The following PABPC4 variants were observed in gnomAD, a reference collection of about 807,000 sequenced individuals.
PABPC4 encodes the protein polyadenylate-binding protein 4.
A neutral mutation model predicts 74.5 loss-of-function variants in PABPC4; 15 were observed. The observed-to-expected ratio is 0.20, with a 90% CI of 0.13 to 0.31. The LOEUF is 0.31. Ranked by LOEUF, PABPC4 falls within the 10% of genes least tolerant of loss-of-function variation. The pLI is 1.00. For missense variants in PABPC4, 610 were observed against 853.5 expected (o/e 0.71, Z 3.55); for synonymous variants, 345 against 303.0 (o/e 1.14, Z -1.44).
intron 7 of PABPC4, among the ~76,000 whole-genome samples, chr1:39,567,219 T>A (rs1645860562): frequency 6.6e-6 from 1 of 152,156 alleles, no homozygotes; most frequent in Non-Finnish European, 1.5e-5. Flanking sequence ...CCCTGCTAAC[T>A]TAGTTGATAT....
chr1:39,561,936 T>A, intron 14 of PABPC4, 137 bp downstream of exon 14: 2 of 1,168,882 alleles, frequency 1.7e-6, no homozygotes, highest in Non-Finnish European at 2.5e-6. Flanking sequence ...CACTGCAGCC[T>A]CCAGTCACAG....
At chr1:39,564,332 C>T (rs1464639348) in intron 10 of PABPC4, 91 bp downstream of exon 10, 15 of 1,457,178 alleles carry the variant, frequency 1.0e-5, no homozygotes, top group Admixed American at 4.2e-5. Context: ...TCGATAAATT[C>T]GAGCCCAACA....
At chr1:39,571,045 G>A (rs1239428702) in intron 3 of PABPC4, 189 bp downstream of exon 3, 2 of 1,465,968 alleles carry the variant, frequency 1.4e-6, no homozygotes, top group East Asian at 2.4e-5. Flanking sequence ...TGGGCAGGAA[G>A]CCCACCTTGG....
At chr1:39,568,770 C>T in intron 6 of PABPC4, 32 bp downstream of exon 6, 1 of 1,600,324 alleles carries the variant, frequency 6.2e-7, no homozygotes, top group Non-Finnish European at 8.5e-7. Context: ...CACAGCAAAT[C>T]CCATTGCTAG....
chr1:39,570,264 A>AT (rs1399105908), intron 3 of PABPC4, among the ~76,000 whole-genome samples: 1 of 152,202 alleles, frequency 6.6e-6, no homozygotes, highest in Non-Finnish European at 1.5e-5. Context: ...AAGAAACCTG[A>AT]TGGCCATGTT....
chr1:39,564,065 T>A, intron 10 of PABPC4, 143 bp from the exon 11 acceptor site: 1 of 694,442 alleles, frequency 1.4e-6, no homozygotes, highest in South Asian at 1.8e-5. Flanking sequence ...AGCCAAAGGA[T>A]AACATACAAC....
Position 39,567,853 on chromosome 1 carries a change from G to A in PABPC4, c.877-7C>T, listed in dbSNP as rs1645872545. 2.7e-6 allele frequency: 4 copies of A among 1,492,108 alleles called. No individual in the cohort carries two copies. Among genetic ancestry groups the A allele is most frequent in the Admixed American group, 1.7e-5 (1 of 58,800 alleles). 92.4% of individuals were successfully genotyped at this position (1,492,108 alleles called of 1,614,324 possible). ...TAATGTAGAGATTCACCCCCTGAAG[G>A]AAAAAGATCACTGTTAACTACACTT... is the stretch of plus-strand genomic sequence containing the variant. On this transcript the variant is annotated splice_polypyrimidine_tract_variant and splice_region_variant and intron_variant, in intron 6 of 15. Coordinates refer to ENST00000372858, the MANE Select transcript of PABPC4 (RefSeq NM_001135653.2).
intron 9 of PABPC4, 31 bp from the exon 10 acceptor site, chr1:39,564,573 G>T (rs764731597): frequency 6.2e-7 from 1 of 1,613,632 alleles, no homozygotes; most frequent in Non-Finnish European, 8.5e-7. Context: ...ACATCATTGA[G>T]AAGTGATGTG....
At position 39,575,952 on chromosome 1, in the gene PABPC4, C is replaced by T. The variant is rs548590041; in HGVS notation, c.-1G>A. The T allele has an allele frequency of 4.5e-6, 7 of 1,567,382 alleles. No individual in the cohort carries two copies. The South Asian group carries it at 8.0e-5, about 18-fold the overall frequency. ...GGTAGCTGCTGGCCGCAGCGTTCAT[C>T]TCCCCGCCCCCCACCACCCCGAGCC... On this transcript the variant is annotated 5_prime_UTR_variant, in exon 1 of 16. Coordinates refer to ENST00000372858, the MANE Select transcript of PABPC4 (RefSeq NM_001135653.2).
intron 1 of PABPC4, chr1:39,573,081 T>C (rs528317784): frequency 6.6e-6 from 1 of 152,544 alleles, no homozygotes; most frequent in Non-Finnish European, 1.5e-5. Flanking sequence ...TATTTTTCAG[T>C]GAGGTATTGC....
chr1:39,572,037 A>G (rs1645949507), intron 2 of PABPC4, among the ~76,000 whole-genome samples: 1 of 152,234 alleles, frequency 6.6e-6, no homozygotes, highest in Non-Finnish European at 1.5e-5. Context: ...TAGAACAGAT[A>G]CGTAGAAGGA....
At chr1:39,572,642 A>C in intron 1 of PABPC4, 56 bp from the exon 2 acceptor site, 1 of 1,382,062 alleles carries the variant, frequency 7.2e-7, no homozygotes, top group East Asian at 2.3e-5. Context: ...CCCACAGGCC[A>C]ACAGCCTAAG....
In PABPC4 at chr1:39,563,628, T is replaced by C. The variant is rs1406463082; in HGVS notation, c.1654A>G (p.Ile552Val). 3 of 1,613,950 alleles carry C rather than the reference T, an allele frequency of 1.9e-6. No individual in the cohort carries two copies. Among genetic ancestry groups the C allele is most frequent in the Non-Finnish European group, 1.7e-6 (2 of 1,179,998 alleles). ...ASSVRSPHPAIQPLQAPQPAV... is the reference protein window; with the variant it reads ...ASSVRSPHPAVQPLQAPQPAV... ...GTGAACCTCACCTGCAGAGGCTGTA[T>C]GGCAGGATGAGGGCTGCGGACACTG... Residue 552 changes from isoleucine (I) to valine (V), a missense_variant, in exon 12 of 16, where the codon ATA becomes GTA. By Grantham distance (29) the Ile-to-Val change is conservative. Around this residue, in one of 4 missense-constraint regions of PABPC4, gnomAD observed 277 missense variants for 301.8 expected, o/e 0.92. Transcript: ENST00000372858.
In PABPC4 at chr1:39,572,319, T is replaced by TTC. The variant is rs1184791097; in HGVS notation, c.387+72_387+73dup. Reference sequence around the variant, plus strand: ...ATCTTGTTCCCCAATTCCAAGATAGTTCTCTGTTTGGTATTTATCTTGTTT... The same window carrying TTC: ...ATCTTGTTCCCCAATTCCAAGATAGTTCTCTCTGTTTGGTATTTATCTTGTTT... On this transcript the variant is annotated intron_variant, in intron 2 of 15. Transcript: ENST00000372858. 2.0e-5 allele frequency: 23 copies of TTC among 1,140,412 alleles called. 1 individual carries two copies. The highest frequency in any genetic ancestry group is 2.1e-4 in the Middle Eastern group (1 of 4,664). 70.6% of individuals were successfully genotyped at this position (1,140,412 alleles called of 1,614,324 possible).
chr1:39,567,801 C>G lies in PABPC4; in HGVS notation c.922G>C (p.Glu308Gln). The G allele has an allele frequency of 6.2e-7, 1 of 1,601,746 alleles. No individual in the cohort carries two copies. The highest frequency in any genetic ancestry group is 8.6e-7 in the Non-Finnish European group (1 of 1,168,780). ...IKNLDDTIDD[E>Q]KLRKEFSPFG... ...GGAGAAAATTCTTTCCTTAATTTCTCATCATCAATAGTGTCATCCAAGTTC... is the reference window on the plus strand; with the variant it reads ...GGAGAAAATTCTTTCCTTAATTTCTGATCATCAATAGTGTCATCCAAGTTC... Residue 308 changes from glutamate (E) to glutamine (Q), a missense_variant, in exon 7 of 16, where the codon GAG becomes CAG. Coordinates refer to ENST00000372858, the MANE Select transcript of PABPC4 (RefSeq NM_001135653.2).
At chr1:39,565,974 G>A (rs193119978) in intron 7 of PABPC4, among the ~76,000 whole-genome samples, 87 of 152,332 alleles carry the variant, frequency 5.7e-4, no homozygotes, top group African/African-American at 1.8e-3. Flanking sequence ...CAGAAAGCCT[G>A]GGTTCTGCTG....
Position 39,571,302 on chromosome 1 carries a change from G to C in PABPC4, c.435C>G (p.Phe145Leu). 2 of 1,614,142 alleles carry C rather than the reference G, an allele frequency of 1.2e-6. No individual in the cohort carries two copies. Among genetic ancestry groups the C allele is most frequent in the Non-Finnish European group, 1.7e-6 (2 of 1,180,020 alleles). ...CCTTGTCGGCAGCCTCTTGGGTCTC[G>C]AAGTGGACAAAGGCATAACCCTTAG... Reference protein sequence around the residue: ...NGSKGYAFVHFETQEAADKAI... With the variant: ...NGSKGYAFVHLETQEAADKAI... The change falls in exon 3 of 16, where the codon TTC becomes TTG. Residue 145 changes from phenylalanine to leucine, a missense_variant. Physicochemically the swap from Phe to Leu is conservative, Grantham distance 22. Transcript: ENST00000372858.
Position 39,569,993 on chromosome 1 carries a change from G to C in PABPC4, c.513C>G (p.Gly171=), listed in dbSNP as rs1223704409. 5.0e-6 allele frequency: 8 copies of C among 1,613,326 alleles called. No homozygotes were observed. In the Admixed American group the frequency reaches 8.4e-5, roughly 17 times the overall value. ...MLLNDRKVFV[G]RFKSRKEREA... ...CCCGCTCTTTGCGAGACTTGAATCT[G>C]CCCACAAATCTAAAATGAAACCATG... Residue 171 remains glycine, a synonymous_variant, in exon 4 of 16, where the codon GGC becomes GGG. Transcript: ENST00000372858.
rs184448942 is a variant in PABPC4 at position 39,571,817 on chromosome 1, G to A, written c.388-468C>T. The A allele has an allele frequency of 1.2e-4, 41 of 338,438 alleles. No individual in the cohort carries two copies. In the Admixed American group the frequency reaches 1.5e-3, roughly 13 times the overall value. 21.0% of individuals were successfully genotyped at this position (338,438 alleles called of 1,614,324 possible). ...GAGCCCAGGAGGTCGAAGCTACAATGAGCTATTACTAGACCACTGCACTCC... is the reference window on the plus strand; with the variant it reads ...GAGCCCAGGAGGTCGAAGCTACAATAAGCTATTACTAGACCACTGCACTCC... On this transcript the variant is annotated intron_variant, in intron 2 of 15. Coordinates refer to ENST00000372858, the MANE Select transcript of PABPC4 (RefSeq NM_001135653.2).
Sources: gnomAD v4.1 joint callset for allele counts (sites outside exome capture counted in the v4.1 genomes callset) on GRCh38, gnomAD v4.1.1 for gene constraint, gnomAD v4.1.1 regional missense constraint, MANE v1.5 for transcripts, NCBI Gene and HGNC (gene_info 2026-07-23, HGNC 2026-07-21) for gene names.